Variants in SCLT1 observed in about 807,000 individuals in gnomAD.
The protein encoded by SCLT1 is sodium channel-associated protein 1.
Under a neutral mutation model 112.8 loss-of-function variants are expected in SCLT1, and 78 were observed. The observed-to-expected ratio is 0.69, with a 90% CI of 0.58 to 0.83. SCLT1 has a LOEUF of 0.83. Among genes scored for constraint, SCLT1 ranks in the 40% least tolerant of loss-of-function variants. SCLT1 has a pLI of 0.00. For missense variants in SCLT1, 747 were observed against 770.4 expected, an observed-to-expected ratio of 0.97 and a Z score of 0.36; for synonymous variants, 257 against 254.7, an observed-to-expected ratio of 1.01 and a Z score of -0.09.
chr4:128,952,710 T>C, intron 14 of SCLT1, 59 bp downstream of exon 14: 3 of 929,030 alleles, frequency 3.2e-6, no homozygotes, highest in South Asian at 1.3e-5. Context: ...CAATAGTATA[T>C]ATCTTGGCCT....
intron 9 of SCLT1, among the ~76,000 whole-genome samples, chr4:128,983,719 G>C (rs1265259352): frequency 1.3e-5 from 2 of 152,060 alleles, no homozygotes; most frequent in Non-Finnish European, 2.9e-5. Context: ...CTCTCAAAAT[G>C]AAATATGATT....
At chr4:128,985,930 G>T (rs957076724) in intron 9 of SCLT1, among the ~76,000 whole-genome samples, 1 of 152,130 alleles carries the variant, frequency 6.6e-6, no homozygotes, top group African/African-American at 2.4e-5. Context: ...GAGCAAGATG[G>T]CTGAGTAGAA....
intron 2 of SCLT1, among the ~76,000 whole-genome samples, chr4:129,050,920 T>A (rs1488688978): frequency 1.3e-5 from 2 of 151,968 alleles, no homozygotes; most frequent in East Asian, 3.9e-4. Context: ...AGGGAGGGGG[T>A]CCAGTTTCTG....
intron 8 of SCLT1, among the ~76,000 whole-genome samples, chr4:128,996,264 T>C (rs1743011051): frequency 1.3e-5 from 2 of 152,232 alleles, no homozygotes; most frequent in East Asian, 1.9e-4. Context: ...AATTTGTCCA[T>C]GAATTGTTGC....
chr4:128,914,703 G>C (rs1735348997), intron 18 of SCLT1, among the ~76,000 whole-genome samples: 1 of 152,060 alleles, frequency 6.6e-6, no homozygotes, highest in East Asian at 1.9e-4. Context: ...ACAGAAAGAG[G>C]AGCAATCTAT....
chr4:128,880,804 A>G (rs781306526), downstream of SCLT1, among the ~76,000 whole-genome samples: 1 of 152,196 alleles, frequency 6.6e-6, no homozygotes, highest in Non-Finnish European at 1.5e-5. Context: ...CCCTCGAAGC[A>G]TGATTTCCTA....
intron 1 of SCLT1, among the ~76,000 whole-genome samples, chr4:129,086,488 T>C (rs867566674): frequency 2.0e-5 from 3 of 152,190 alleles, no homozygotes; most frequent in African/African-American, 7.2e-5. Context: ...GAAACTAGAC[T>C]GCCTGGGTTC....
At chr4:129,000,458 TG>T (rs1579648554) in intron 6 of SCLT1, among the ~76,000 whole-genome samples, 1 of 152,000 alleles carries the variant, frequency 6.6e-6, no homozygotes, top group East Asian at 1.9e-4. Context: ...ATTATCTAAG[TG>T]TGGTACAGAA....
chr4:128,886,403 T>C (rs1156435671), intron 20 of SCLT1, among the ~76,000 whole-genome samples: 1 of 152,180 alleles, frequency 6.6e-6, no homozygotes, highest in African/African-American at 2.4e-5. Flanking sequence ...TTAATATGCA[T>C]TTAGTAGGAT....
At chr4:128,888,166 C>A (rs1307432564) in intron 20 of SCLT1, among the ~76,000 whole-genome samples, 1 of 150,944 alleles carries the variant, frequency 6.6e-6, no homozygotes, top group Non-Finnish European at 1.5e-5. Context: ...TAAATAGTGG[C>A]CTGTGGCTAG....
At chr4:128,971,534 T>C (rs969381753) in intron 9 of SCLT1, 2 of 152,154 alleles carry the variant, frequency 1.3e-5, no homozygotes, top group African/African-American at 4.8e-5. Context: ...ATACTACTAT[T>C]ATATCAAACT....
rs558966620 is a variant in SCLT1 at position 128,969,440 on chromosome 4, C to T, written c.777+938G>A. 1.5e-3 allele frequency among the ~76,000 whole-genome samples: 226 copies of T among 152,110 alleles called. 1 individual carries two copies. The highest frequency in any genetic ancestry group is 2.5e-3 in the Non-Finnish European group (169 of 67,992). ...ACAAAAAATTAGCCAGGCGTGGCGG[C>T]GTGCACCTGTAGTCCCAGCTACTTG... is the stretch of plus-strand genomic sequence containing the variant. On this transcript the variant is annotated intron_variant, in intron 10 of 20. Transcript: ENST00000281142.
Position 129,089,547 on chromosome 4 carries a change from T to C in SCLT1, c.34+3523A>G, listed in dbSNP as rs113350406. Among the ~76,000 whole-genome samples, 714 of 152,216 alleles carry C rather than the reference T, an allele frequency of 4.7e-3. 4 individuals carry two copies. Among genetic ancestry groups the C allele is most frequent in the African/African-American group, 0.016 (654 of 41,496 alleles). On this transcript the variant is annotated intron_variant, in intron 1 of 20. Coordinates refer to ENST00000281142, the MANE Select transcript of SCLT1 (RefSeq NM_144643.4). The stretch of plus-strand genomic sequence containing the variant: ...CAAATAATCAGAAATCATTCTACCA[T>C]AAAGACACATGCACATGTATGTTTA...
At chr4:128,926,137 C>G (rs1453434240) in intron 18 of SCLT1, among the ~76,000 whole-genome samples, 1 of 151,144 alleles carries the variant, frequency 6.6e-6, no homozygotes, top group Non-Finnish European at 1.5e-5. Flanking sequence ...TTTTGTTTAT[C>G]TATTTTGTTG....
At chr4:129,023,588 C>G (rs1463953063) in intron 5 of SCLT1, among the ~76,000 whole-genome samples, 1 of 152,174 alleles carries the variant, frequency 6.6e-6, no homozygotes, top group Non-Finnish European at 1.5e-5. Flanking sequence ...CAGCTCGGGT[C>G]TACAGCTCCC....
intron 10 of SCLT1, among the ~76,000 whole-genome samples, chr4:128,968,855 T>C (rs1740432487): frequency 6.6e-6 from 1 of 152,244 alleles, no homozygotes; most frequent in Non-Finnish European, 1.5e-5. Context: ...GCTCTGTGCC[T>C]ACATAATTTG....
At chr4:128,941,721 CTGTT>C (rs1737708974) in intron 17 of SCLT1, among the ~76,000 whole-genome samples, 1 of 151,908 alleles carries the variant, frequency 6.6e-6, no homozygotes, top group Non-Finnish European at 1.5e-5. Context: ...TTTTTGTGCT[CTGTT>C]TAAGAAATAT....
At chr4:129,011,664 T>C (rs1744533462) in intron 5 of SCLT1, among the ~76,000 whole-genome samples, 2 of 152,070 alleles carry the variant, frequency 1.3e-5, no homozygotes, top group Admixed American at 6.5e-5. Flanking sequence ...ACTTATCTGG[T>C]CCTGGGCTTT....
At chr4:129,066,076 A>C (rs1271233101) in intron 2 of SCLT1, among the ~76,000 whole-genome samples, 1 of 152,086 alleles carries the variant, frequency 6.6e-6, no homozygotes, top group East Asian at 1.9e-4. Context: ...AGACTGAATA[A>C]AGACTTAAAT....
Sources: gnomAD v4.1 joint callset for allele counts (sites outside exome capture counted in the v4.1 genomes callset) on GRCh38, gnomAD v4.1.1 for gene constraint, MANE v1.5 for transcripts, NCBI Gene and HGNC (gene_info 2026-07-23, HGNC 2026-07-21) for gene names.